TEX36: variants seen among roughly 807,000 people sequenced by gnomAD.
The protein encoded by TEX36 is testis expressed 36.
Under a neutral mutation model 13.6 loss-of-function variants are expected in TEX36, and 12 were observed. The observed-to-expected ratio is 0.88, with a 90% confidence interval of 0.56 to 1.43. The LOEUF is 1.43. Among genes scored for constraint, TEX36 ranks in the 40% most tolerant of loss-of-function variants. The probability of loss-of-function intolerance (pLI) is 0.00; values close to 1 mark genes in which losing one functional copy is unlikely to be tolerated. For synonymous variants in TEX36, 93 were observed against 83.0 expected, an observed-to-expected ratio of 1.12 and a Z score of -0.65; for missense variants, 224 against 228.3, an observed-to-expected ratio of 0.98 and a Z score of 0.12.
chr10:125,584,233 C>T (rs1845917280), intron 3 of TEX36, among the ~76,000 whole-genome samples: 2 of 152,204 alleles, frequency 1.3e-5, no homozygotes, highest in South Asian at 4.1e-4. Flanking sequence ...AGAATCACTG[C>T]CCAGCAGAGC....
chr10:125,625,710 A>C (rs1463858679), intron 3 of TEX36, among the ~76,000 whole-genome samples: 1 of 152,270 alleles, frequency 6.6e-6, no homozygotes, highest in African/African-American at 2.4e-5. Context: ...TCTCACAGAG[A>C]GCAAGGAACA....
intron 3 of TEX36, among the ~76,000 whole-genome samples, chr10:125,603,906 A>T (rs775165383): frequency 3.3e-5 from 5 of 152,172 alleles, no homozygotes; most frequent in Non-Finnish European, 7.3e-5. Context: ...TGGGCAGGTT[A>T]GGCAAACTCC....
At chr10:125,650,486 C>A (rs1295298677) in intron 3 of TEX36, among the ~76,000 whole-genome samples, 1 of 151,972 alleles carries the variant, frequency 6.6e-6, no homozygotes, top group African/African-American at 2.4e-5. Context: ...TCTCTGGGAC[C>A]CATTTAAAGC....
At chr10:125,670,782 C>T (rs1268555929) in intron 1 of TEX36, among the ~76,000 whole-genome samples, 2 of 151,906 alleles carry the variant, frequency 1.3e-5, no homozygotes, top group African/African-American at 4.8e-5. Context: ...AGGAAGGGGT[C>T]CAGTTTCAAT....
chr10:125,653,487 T>C (rs1242862123), downstream of TEX36, among the ~76,000 whole-genome samples: 1 of 50,492 alleles, frequency 2.0e-5, no homozygotes, highest in Non-Finnish European at 3.6e-5. Flanking sequence ...GAGCCTGTCA[T>C]GGGGTGGGGG....
At chr10:125,656,956 AACCCTAAGGGCTCCCTG>A (rs1053804769) in intron 3 of TEX36, among the ~76,000 whole-genome samples, 1 of 152,064 alleles carries the variant, frequency 6.6e-6, no homozygotes, top group Non-Finnish European at 1.5e-5. Flanking sequence ...ATTCTTTCCC[AACCCTAAGGGCTCCCTG>A]AAGGACCCAG....
chr10:125,579,966 A>G (rs1272055008), intron 3 of TEX36, among the ~76,000 whole-genome samples: 1 of 152,250 alleles, frequency 6.6e-6, no homozygotes, highest in African/African-American at 2.4e-5. Flanking sequence ...CCCAGTTTGA[A>G]GTAAGCTTCT....
At position 125,604,533 on chromosome 10, in the gene TEX36, G is replaced by T. The variant is rs375537724; in HGVS notation, c.265-27659C>A. On this transcript the variant is annotated intron_variant, in intron 3 of 3. Transcript: ENST00000532135. ...CTCTACACATAAAGAAAAAAAGAGAGCCAAGGGCAGTGGCTCATGCCTGCA... is the reference window on the plus strand; with the variant it reads ...CTCTACACATAAAGAAAAAAAGAGATCCAAGGGCAGTGGCTCATGCCTGCA... Among the ~76,000 whole-genome samples the T allele has an allele frequency of 2.0e-4, 31 of 152,054 alleles. 1 individual carries two copies. The highest frequency in any genetic ancestry group is 7.5e-4 in the African/African-American group (31 of 41,464).
chr10:125,635,672 A>C (rs1846615035), intron 3 of TEX36, among the ~76,000 whole-genome samples: 1 of 152,114 alleles, frequency 6.6e-6, no homozygotes, highest in South Asian at 2.1e-4. Context: ...GCAACATCGC[A>C]GTGTCCACTC....
At chr10:125,644,204 T>C (rs918292092) in intron 3 of TEX36, among the ~76,000 whole-genome samples, 1 of 152,194 alleles carries the variant, frequency 6.6e-6, no homozygotes, top group Non-Finnish European at 1.5e-5. Flanking sequence ...GAATGGATCA[T>C]TGAAGAGCCA....
intron 3 of TEX36, chr10:125,576,997 A>G: frequency 7.7e-7 from 1 of 1,305,586 alleles, no homozygotes; most frequent in Non-Finnish European, 1.0e-6. Flanking sequence ...CACCCCAGAG[A>G]AGGATTTAGT....
downstream of TEX36, among the ~76,000 whole-genome samples, chr10:125,655,337 G>A (rs1417491146): frequency 2.0e-5 from 3 of 152,048 alleles, no homozygotes; most frequent in South Asian, 2.1e-4. Flanking sequence ...CCCAGCTACC[G>A]GGAAGGCTGA....
chr10:125,604,872 C>T (rs946033036), intron 3 of TEX36, among the ~76,000 whole-genome samples: 25 of 151,776 alleles, frequency 1.6e-4, no homozygotes, highest in African/African-American at 5.6e-4. Flanking sequence ...CTATTACCCC[C>T]AGAAGGGACT....
At chr10:125,579,025 C>T (rs905316845) in intron 3 of TEX36, among the ~76,000 whole-genome samples, 1 of 152,178 alleles carries the variant, frequency 6.6e-6, no homozygotes, top group African/African-American at 2.4e-5. Flanking sequence ...CTGTCTCCTC[C>T]CCAACTCGTT....
rs374198701 is a variant in TEX36 at position 125,682,973 on chromosome 10, C to T, written c.17G>A (p.Arg6His). 63 of 1,551,610 alleles carry T rather than the reference C, an allele frequency of 4.1e-5. No individual in the cohort carries two copies. The African/African-American group carries it at 5.8e-4, about 14-fold the overall frequency. Residue 6 changes from arginine to histidine, a missense_variant, in exon 1 of 4, where the codon CGC (arginine) becomes CAC (histidine). By Grantham distance (29) the Arg-to-His change is conservative. Coordinates refer to ENST00000368821, the MANE Select transcript of TEX36 (RefSeq NM_001128202.3). MTKGR[R>H]FNPPSDKDGR... ...ATCCTTGTCTGAAGGTGGGTTGAAG[C>T]GTCGCCCTTTGGTCATTCTCTCCAG...
At chr10:125,643,386 T>C (rs1435132712) in intron 3 of TEX36, among the ~76,000 whole-genome samples, 1 of 152,158 alleles carries the variant, frequency 6.6e-6, no homozygotes, top group Non-Finnish European at 1.5e-5. Flanking sequence ...GGTGGGCCGA[T>C]CATTTGAGGT....
At chr10:125,614,499 T>C (rs969331001) in intron 3 of TEX36, among the ~76,000 whole-genome samples, 14 of 151,874 alleles carry the variant, frequency 9.2e-5, no homozygotes, top group African/African-American at 3.4e-4. Flanking sequence ...TTTCTACATA[T>C]GGCTAGCCAG....
intron 1 of TEX36, among the ~76,000 whole-genome samples, chr10:125,662,652 G>C (rs1847064391): frequency 6.6e-6 from 1 of 152,190 alleles, no homozygotes; most frequent in Non-Finnish European, 1.5e-5. Context: ...GACCCGGCTG[G>C]GAGCTCTGGA....
At chr10:125,608,644 T>A (rs1846247320) in intron 3 of TEX36, among the ~76,000 whole-genome samples, 1 of 152,116 alleles carries the variant, frequency 6.6e-6, no homozygotes, top group Non-Finnish European at 1.5e-5. Context: ...GCACCCCTAT[T>A]TCAGCCTCCC....
Sources: gnomAD v4.1 joint callset for allele counts (sites outside exome capture counted in the v4.1 genomes callset) on GRCh38, gnomAD v4.1.1 for gene constraint, MANE v1.5 for transcripts, NCBI Gene and HGNC (gene_info 2026-07-23, HGNC 2026-07-21) for gene names.